The following SGCD variants were observed in gnomAD, a reference collection of about 807,000 sequenced individuals.
The protein encoded by SGCD is sarcoglycan delta.
In SGCD, 18 loss-of-function variants were observed where a neutral mutation model predicts 36.6. The observed-to-expected ratio is 0.49, with a 90% CI of 0.34 to 0.73. The LOEUF is 0.73. Among genes scored for constraint, SGCD ranks in the 30% least tolerant of loss-of-function variants. The probability of loss-of-function intolerance (pLI) is 0.01; values close to 1 mark genes in which losing one functional copy is unlikely to be tolerated. For missense variants in SGCD, 387 were observed against 346.7 expected (o/e 1.12, Z -0.92); for synonymous variants, 133 against 130.6 (o/e 1.02, Z -0.12).
At chr5:155,920,377 T>C (rs1411413185) in intron 1 of SGCD, among the ~76,000 whole-genome samples, 1 of 151,784 alleles carries the variant, frequency 6.6e-6, no homozygotes, top group Non-Finnish European at 1.5e-5. Context: ...AGATGGTGAG[T>C]ATTAGTGGAG....
chr5:156,028,962 A>G (rs888753262), intron 1 of SGCD, among the ~76,000 whole-genome samples: 2 of 152,154 alleles, frequency 1.3e-5, no homozygotes, highest in Non-Finnish European at 2.9e-5. Context: ...AAGTGTGTGT[A>G]CGCAGGAGGA....
chr5:156,578,552 T>G (rs1474912659), intron 4 of SGCD, among the ~76,000 whole-genome samples: 1 of 152,226 alleles, frequency 6.6e-6, no homozygotes, highest in East Asian at 1.9e-4. Flanking sequence ...CCTGGACTTC[T>G]TTTGGTTGGT....
chr5:156,670,608 C>T (rs1753247391), intron 7 of SGCD, among the ~76,000 whole-genome samples: 1 of 152,196 alleles, frequency 6.6e-6, no homozygotes, highest in Non-Finnish European at 1.5e-5. Context: ...TTTAGAGGAA[C>T]AAGCTTACAA....
chr5:156,575,223 A>C (rs138751973), intron 4 of SGCD, among the ~76,000 whole-genome samples: 241 of 152,294 alleles, frequency 1.6e-3, no homozygotes, highest in African/African-American at 5.5e-3. Flanking sequence ...TTAATGCTTT[A>C]ATATTGGAAT....
At chr5:156,402,781 T>G (rs1340128037) in intron 3 of SGCD, among the ~76,000 whole-genome samples, 2 of 152,168 alleles carry the variant, frequency 1.3e-5, no homozygotes, top group African/African-American at 4.8e-5. Context: ...CCACTGAAGC[T>G]AGTTCTACTT....
At chr5:156,388,529 C>A (rs549727781) in intron 3 of SGCD, among the ~76,000 whole-genome samples, 3 of 152,296 alleles carry the variant, frequency 2.0e-5, no homozygotes, top group East Asian at 1.9e-4. Flanking sequence ...AATCAGAAAT[C>A]ATTTAATGAC....
intron 3 of SGCD, among the ~76,000 whole-genome samples, chr5:156,162,677 C>A (rs1406950566): frequency 6.6e-6 from 1 of 151,674 alleles, no homozygotes; most frequent in Non-Finnish European, 1.5e-5. Flanking sequence ...GTTCTCTCAA[C>A]TGATGCCTTC....
intron 3 of SGCD, among the ~76,000 whole-genome samples, chr5:156,422,662 G>A (rs573290979): frequency 3.3e-5 from 5 of 152,116 alleles, no homozygotes; most frequent in African/African-American, 9.6e-5. Context: ...CTCAACAACA[G>A]CACTTTTGAC....
intron 1 of SGCD, among the ~76,000 whole-genome samples, chr5:155,909,184 AG>A (rs1756581513): frequency 6.6e-6 from 1 of 152,088 alleles, no homozygotes; most frequent in African/African-American, 2.4e-5. Flanking sequence ...TCAGGAACAA[AG>A]TGTATCTTCC....
rs780185852 is a variant in SGCD at position 156,745,024 on chromosome 5, C to T, written c.576-12557C>T. ...CAGCTGATCATTGAGGCCCCTTTAA[C>T]GTTATAGATTTTGCTAACCTAGATG... On this transcript the variant is annotated intron_variant, in intron 7 of 8. Coordinates refer to ENST00000337851, the MANE Select transcript of SGCD (RefSeq NM_000337.6). Among the ~76,000 whole-genome samples the T allele has an allele frequency of 2.6e-5, 4 of 152,194 alleles. No homozygotes were observed. In the East Asian group the frequency reaches 5.8e-4, roughly 22 times the overall value.
intron 7 of SGCD, among the ~76,000 whole-genome samples, chr5:156,744,598 C>T (rs1339970770): frequency 6.6e-6 from 1 of 152,172 alleles, no homozygotes. Flanking sequence ...ACAAAGACAA[C>T]CTTACCTAGA....
intron 1 of SGCD, among the ~76,000 whole-genome samples, chr5:156,007,324 A>G (rs1411397305): frequency 6.6e-6 from 1 of 152,086 alleles, no homozygotes; most frequent in African/African-American, 2.4e-5. Flanking sequence ...CAAATCTTTA[A>G]CAAGGTAAGA....
intron 7 of SGCD, among the ~76,000 whole-genome samples, chr5:156,648,315 G>A (rs775713287): frequency 3.8e-4 from 56 of 145,976 alleles, no homozygotes; most frequent in African/African-American, 8.9e-4. Context: ...ATCATAAATC[G>A]CCATATATGG....
intron 1 of SGCD, among the ~76,000 whole-genome samples, chr5:155,910,064 T>C (rs1756599780): frequency 6.6e-6 from 1 of 152,044 alleles, no homozygotes; most frequent in Non-Finnish European, 1.5e-5. Flanking sequence ...GGTTGTATTG[T>C]ATTATGAATT....
At chr5:156,483,339 A>T (rs183355838) in intron 3 of SGCD, among the ~76,000 whole-genome samples, 1 of 152,306 alleles carries the variant, frequency 6.6e-6, no homozygotes, top group East Asian at 1.9e-4. Context: ...CAGGTGTCAG[A>T]CTGAGACATT....
intron 1 of SGCD, among the ~76,000 whole-genome samples, chr5:155,920,228 A>T (rs895257592): frequency 6.6e-6 from 1 of 152,166 alleles, no homozygotes; most frequent in Non-Finnish European, 1.5e-5. Flanking sequence ...TTGTAATAAG[A>T]ACAAAGAAAA....
chr5:155,910,886 T>A (rs1039185096), intron 1 of SGCD, among the ~76,000 whole-genome samples: 1 of 152,154 alleles, frequency 6.6e-6, no homozygotes, highest in Non-Finnish European at 1.5e-5. Flanking sequence ...GCATAAATAT[T>A]TGGGCTTTGT....
At chr5:156,415,884 A>T (rs905901236) in intron 3 of SGCD, among the ~76,000 whole-genome samples, 22 of 152,212 alleles carry the variant, frequency 1.4e-4, no homozygotes, top group African/African-American at 5.3e-4. Context: ...TAAAACTTTT[A>T]GCTAAAATAG....
intron 1 of SGCD, among the ~76,000 whole-genome samples, chr5:156,080,662 G>A (rs1301712371): frequency 2.0e-5 from 3 of 152,144 alleles, no homozygotes; most frequent in African/African-American, 7.2e-5. Context: ...GATCCCTAGG[G>A]CATGAACACA....
Sources: allele counts gnomAD v4.1 joint callset (sites outside exome capture counted in the v4.1 genomes callset), GRCh38; gene constraint gnomAD v4.1.1; transcripts MANE v1.5; gene names NCBI Gene and HGNC (gene_info 2026-07-23, HGNC 2026-07-21).